HPSE: variants seen among roughly 807,000 people sequenced by gnomAD.
HPSE encodes heparanase.
Under a neutral mutation model 65.1 loss-of-function variants are expected in HPSE, and 48 were observed. The observed-to-expected ratio is 0.74, with a 90% CI of 0.58 to 0.94. The LOEUF (loss-of-function observed/expected upper bound fraction) is 0.94, where lower values mean the gene tolerates loss of function less well. Ranked by LOEUF, HPSE falls within the 40% of genes least tolerant of loss-of-function variation. The pLI is 0.00. For missense variants in HPSE, 644 were observed against 637.5 expected (o/e 1.01, Z -0.11); for synonymous variants, 243 against 260.0 (o/e 0.93, Z 0.63).
In HPSE at chr4:83,311,703, G is replaced by A. The variant is rs74464541; in HGVS notation, c.674-813C>T. ...GGCTGAGGTGTGAGAGATTGCATGA[G>A]CCCAGGAGTTGGAGGTTACATTGAG... On this transcript the variant is annotated intron_variant, in intron 4 of 11. Coordinates refer to ENST00000311412, the MANE Select transcript of HPSE (RefSeq NM_001098540.3). 6.3e-3 allele frequency among the ~76,000 whole-genome samples: 948 copies of A among 149,568 alleles called. 5 individuals carry two copies. The highest frequency in any genetic ancestry group is 0.01 in the Non-Finnish European group (710 of 67,738).
rs1408786970 is a variant in HPSE at position 83,334,655 on chromosome 4, A to G, written c.128T>C (p.Phe43Ser). The change falls in exon 1 of 12, where the codon TTC becomes TCC. Residue 43 changes from phenylalanine to serine, a missense_variant. Physicochemically the swap from Phe to Ser is radical, Grantham distance 155. Transcript: ENST00000311412. The stretch of plus-strand genomic sequence containing the variant: ...CAGGTGCAGCGGCTCCTGGGTGAAG[A>G]AGTCCAGGTCCACGACGTCCTGTGC... ...AQAQDVVDLD[F>S]FTQEPLHLVS... is the part of the protein sequence containing the mutation. The G allele has an allele frequency of 1.3e-6, 2 of 1,583,050 alleles. No individual in the cohort carries two copies. Among genetic ancestry groups the G allele is most frequent in the South Asian group, 1.2e-5 (1 of 86,608 alleles).
rs555226191 is a variant in HPSE at position 83,326,322 on chromosome 4, A to G, written c.228-3958T>C. On this transcript the variant is annotated intron_variant, in intron 1 of 11. Coordinates refer to ENST00000311412, the MANE Select transcript of HPSE (RefSeq NM_001098540.3). This position sits in a 1 kb window ranked among gnomAD's most constrained non-coding sequence, Gnocchi z 4.2. ...TGATCCACCTGCCTCAGCCTCCCAA[A>G]GTGCTGGGATTATAGGCATGAGCTA... Among the ~76,000 whole-genome samples the G allele has an allele frequency of 1.3e-3, 205 of 152,274 alleles. 1 individual carries two copies. The highest frequency in any genetic ancestry group is 2.4e-3 in the Non-Finnish European group (160 of 68,018).
At chr4:83,321,448 G>A (rs1736889030) in intron 2 of HPSE, among the ~76,000 whole-genome samples, 1 of 152,084 alleles carries the variant, frequency 6.6e-6, no homozygotes. Context: ...ATTCAGTGGT[G>A]TATACAATAT....
At chr4:83,331,523 GCA>G (rs1448075605) in intron 1 of HPSE, among the ~76,000 whole-genome samples, 1 of 152,108 alleles carries the variant, frequency 6.6e-6, no homozygotes, top group African/African-American at 2.4e-5. Flanking sequence ...TTGGAGTTCT[GCA>G]CACAGTTAGG....
chr4:83,331,202 C>T (rs1462257035), intron 1 of HPSE, among the ~76,000 whole-genome samples: 1 of 146,636 alleles, frequency 6.8e-6, no homozygotes, highest in African/African-American at 2.5e-5. Context: ...AAAATTGTCT[C>T]GGAAAAAAAA....
At chr4:83,333,627 C>T (rs1278407718) in intron 1 of HPSE, among the ~76,000 whole-genome samples, 1 of 152,136 alleles carries the variant, frequency 6.6e-6, no homozygotes, top group Admixed American at 6.5e-5. Flanking sequence ...AGTCAGCCTG[C>T]ATTCATGGGG....
At chr4:83,315,482 C>A (rs1040557931) in intron 3 of HPSE, among the ~76,000 whole-genome samples, 1 of 152,154 alleles carries the variant, frequency 6.6e-6, no homozygotes, top group Non-Finnish European at 1.5e-5. Context: ...ATCACGCAGC[C>A]GTTTGGTGGC....
intron 1 of HPSE, among the ~76,000 whole-genome samples, chr4:83,329,760 T>C (rs1737293909): frequency 6.6e-6 from 1 of 151,880 alleles, no homozygotes; most frequent in Admixed American, 6.6e-5. Flanking sequence ...GTGAAGAAAC[T>C]GAGACAGTTT....
intron 9 of HPSE, among the ~76,000 whole-genome samples, chr4:83,304,383 T>C (rs1166202733): frequency 6.6e-6 from 1 of 152,238 alleles, no homozygotes; most frequent in Non-Finnish European, 1.5e-5. Flanking sequence ...TCTATGTGTT[T>C]CTTCCCAGTT....
chr4:83,317,982 GACA>G (rs1307327756), intron 3 of HPSE, among the ~76,000 whole-genome samples: 1 of 152,130 alleles, frequency 6.6e-6, no homozygotes, highest in African/African-American at 2.4e-5. Flanking sequence ...TTTTTTAGAG[GACA>G]ACATTAGCTA....
Position 83,302,224 on chromosome 4 carries a change from C to A in HPSE, c.1251G>T (p.Lys417Asn). ...AACCTTGCACGCTTGCCATTAACAC[C>A]TTGGTGCCCACCAATTTCTTGAACA... ...SLLFKKLVGT[K>N]VLMASVQGSK... Residue 417 changes from lysine to asparagine, a missense_variant, in exon 10 of 12, where the codon AAG (lysine) becomes AAT (asparagine). Lys to Asn is a moderately conservative substitution (Grantham distance 94, BLOSUM62 0). Coordinates refer to ENST00000311412, the MANE Select transcript of HPSE (RefSeq NM_001098540.3). 1 of 1,613,916 alleles carries A rather than the reference C, an allele frequency of 6.2e-7. No homozygotes were observed. The highest frequency in any genetic ancestry group is 1.1e-5 in the South Asian group (1 of 91,052).
intron 8 of HPSE, among the ~76,000 whole-genome samples, chr4:83,307,408 TGCAGCA>T (rs35936108): frequency 6.6e-6 from 1 of 151,796 alleles, no homozygotes; most frequent in Non-Finnish European, 1.5e-5. Flanking sequence ...GGCAACTGCA[TGCAGCA>T]GCAGCAGCAG....
intron 9 of HPSE, 70 bp downstream of exon 9, chr4:83,306,133 G>A (rs1736138284): frequency 2.3e-6 from 2 of 869,974 alleles, no homozygotes; most frequent in South Asian, 1.4e-5. Flanking sequence ...GTTCATAGGA[G>A]GTTAACACCA....
chr4:83,296,801 A>T (rs1735742077), intron 11 of HPSE, among the ~76,000 whole-genome samples: 1 of 152,164 alleles, frequency 6.6e-6, no homozygotes, highest in African/African-American at 2.4e-5. Flanking sequence ...TATAGTAAAC[A>T]CTATAAAAGT....
At chr4:83,318,793 G>A (rs1578020100) in intron 3 of HPSE, among the ~76,000 whole-genome samples, 1 of 151,982 alleles carries the variant, frequency 6.6e-6, no homozygotes. Context: ...TTGAAGACTG[G>A]AAGACTGTTT....
chr4:83,313,228 C>T lies in HPSE; in HGVS notation c.559G>A (p.Gly187Ser), dbSNP rs368725552. 1.2e-6 allele frequency: 2 copies of T among 1,613,752 alleles called. No individual in the cohort carries two copies. The highest frequency in any genetic ancestry group is 4.5e-5 in the East Asian group (2 of 44,874). Residue 187 changes from glycine (G) to serine (S), a missense_variant, in exon 4 of 12, where the codon GGC becomes AGC. Transcript: ENST00000311412. Reference protein sequence around the residue: ...ANCSGLDLIFGLNALLRTADL... With the variant: ...ANCSGLDLIFSLNALLRTADL... ...GCTGTTCTTAATAACGCATTTAGGC[C>T]AAAGATCAAGTCCAGTCCTGAGCAG...
At chr4:83,295,533 C>A (rs778180409) in intron 11 of HPSE, 30 bp from the exon 12 acceptor site, 1 of 1,523,844 alleles carries the variant, frequency 6.6e-7, no homozygotes. Context: ...ACCGAGTTAA[C>A]CAAGTGGTGC....
At chr4:83,314,582 A>T (rs1736555125) in intron 3 of HPSE, among the ~76,000 whole-genome samples, 1 of 152,192 alleles carries the variant, frequency 6.6e-6, no homozygotes, top group African/African-American at 2.4e-5. Flanking sequence ...TGCTTTTTAA[A>T]CCATTAGCTG....
chr4:83,312,890 C>G (rs1402753172), intron 4 of HPSE, among the ~76,000 whole-genome samples: 2 of 79,388 alleles, frequency 2.5e-5, no homozygotes, highest in African/African-American at 1.2e-4. Context: ...GGCGCGGTGG[C>G]GGGTGCCTGT....
Sources: gnomAD v4.1 joint callset for allele counts (sites outside exome capture counted in the v4.1 genomes callset) on GRCh38, gnomAD v4.1.1 for gene constraint, Gnocchi (gnomAD v3.1) non-coding constraint, MANE v1.5 for transcripts, NCBI Gene and HGNC (gene_info 2026-07-23, HGNC 2026-07-21) for gene names.